The following NFASC variants were observed in gnomAD, a reference collection of about 807,000 sequenced individuals.
The protein encoded by NFASC is neurofascin homolog.
Under a neutral mutation model 147.5 loss-of-function variants are expected in NFASC, and 43 were observed. That is an observed-to-expected ratio of 0.29 (90% CI 0.23 to 0.38). The LOEUF (loss-of-function observed/expected upper bound fraction) is 0.38. NFASC is among the 10% of genes least tolerant of loss of function. NFASC has a pLI of 1.00. For synonymous variants in NFASC, 622 were observed against 665.5 expected (o/e 0.93, Z 1.01); for missense variants, 1,320 against 1,689.0 (o/e 0.78, Z 3.83).
At chr1:205,001,048 T>C (rs2095972131) in intron 25 of NFASC, 122 bp from the exon 26 acceptor site, 6 of 702,984 alleles carry the variant, frequency 8.5e-6, no homozygotes, top group Non-Finnish European at 1.6e-5. Context: ...TGTGTGTACA[T>C]GTGTGCGTGC....
At chr1:204,885,027 T>C in intron 1 of NFASC, among the ~76,000 whole-genome samples, 1 of 152,040 alleles carries the variant, frequency 6.6e-6, no homozygotes, top group Non-Finnish European at 1.5e-5. Flanking sequence ...TTTAAGAGGC[T>C]GAGGCAGGAG....
intron 1 of NFASC, chr1:204,870,974 G>A: frequency 2.3e-5 from 30 of 1,287,156 alleles, no homozygotes; most frequent in Non-Finnish European, 2.9e-5. Flanking sequence ...GATGGCCTGG[G>A]GCCTAAGAAA....
chr1:205,002,209 G>C (rs2096003127), intron 26 of NFASC, among the ~76,000 whole-genome samples: 1 of 152,246 alleles, frequency 6.6e-6, no homozygotes, highest in Admixed American at 6.5e-5. Context: ...TGGTTTTCAG[G>C]AGGGATGCTA....
intron 1 of NFASC, among the ~76,000 whole-genome samples, chr1:204,857,336 T>G (rs6680457): frequency 9.2e-5 from 14 of 152,244 alleles, no homozygotes; most frequent in African/African-American, 2.4e-4. Flanking sequence ...TTCCCATACT[T>G]GCTCTGGCAT....
chr1:204,916,403 T>A (rs2089259453), intron 1 of NFASC, among the ~76,000 whole-genome samples: 1 of 152,266 alleles, frequency 6.6e-6, no homozygotes, highest in Non-Finnish European at 1.5e-5. Context: ...TCTTTAAGGA[T>A]TATCTGTCTG....
intron 2 of NFASC, among the ~76,000 whole-genome samples, chr1:204,936,635 C>T (rs779075804): frequency 2.0e-5 from 3 of 151,884 alleles, no homozygotes; most frequent in Non-Finnish European, 4.4e-5. Flanking sequence ...GTCTGGTGTG[C>T]AGGCTGAGGG....
rs1224859609 is a variant in NFASC, at chr1:205,018,839, G to C, written c.*2300G>C. ...CGAAAGCAGGCCCTTAGGGCAGGAAGGGACGATGAGCAAGTCTGCCACACC... is the reference window on the plus strand; with the variant it reads ...CGAAAGCAGGCCCTTAGGGCAGGAACGGACGATGAGCAAGTCTGCCACACC... On this transcript the variant is annotated 3_prime_UTR_variant, in exon 30 of 30. Coordinates refer to ENST00000339876, the MANE Select transcript of NFASC (RefSeq NM_001005388.3). 6.6e-6 allele frequency: 1 copy of C among 152,310 alleles called. No homozygotes were observed. Among genetic ancestry groups the C allele is most frequent in the Non-Finnish European group, 1.5e-5 (1 of 68,074 alleles). 9.4% of individuals were successfully genotyped at this position (152,310 alleles called of 1,614,324 possible).
At chr1:205,001,120 TG>T in intron 25 of NFASC, 49 bp from the exon 26 acceptor site, 1 of 1,085,734 alleles carries the variant, frequency 9.2e-7, no homozygotes, top group Non-Finnish European at 1.4e-6. Context: ...TCCATATCTC[TG>T]GTGCCACTCC....
At chr1:204,995,796 TA>T (rs2095835481) in intron 24 of NFASC, among the ~76,000 whole-genome samples, 1 of 151,932 alleles carries the variant, frequency 6.6e-6, no homozygotes, top group African/African-American at 2.4e-5. Context: ...CACTCTCCCT[TA>T]AAAAAAGCTC....
intron 17 of NFASC, among the ~76,000 whole-genome samples, chr1:204,978,169 T>C (rs2095444149): frequency 6.6e-6 from 1 of 152,210 alleles, no homozygotes; most frequent in South Asian, 2.1e-4. Context: ...CCTGTAGGAC[T>C]CACCTTCCAA....
chr1:204,949,111 A>C (rs550850619), intron 3 of NFASC, among the ~76,000 whole-genome samples: 1 of 152,268 alleles, frequency 6.6e-6, no homozygotes, highest in Non-Finnish European at 1.5e-5. Flanking sequence ...GGCGAAGCAA[A>C]TGTCTCTTCA....
chr1:204,971,753 C>T (rs2095263960), intron 11 of NFASC, among the ~76,000 whole-genome samples: 1 of 152,090 alleles, frequency 6.6e-6, no homozygotes, highest in Non-Finnish European at 1.5e-5. Flanking sequence ...ACAACTGCAC[C>T]AGCTAGTACT....
chr1:204,987,316 CCA>C lies in NFASC; in HGVS notation c.2471-101_2471-100del. The stretch of plus-strand genomic sequence containing the variant: ...TAGCAGTGTCGAGCATGGGGGTTGT[CCA>C]GAGGTCAATGCCTTCATACTTGTGC... On this transcript the variant is annotated intron_variant, in intron 21 of 29. Coordinates refer to ENST00000339876, the MANE Select transcript of NFASC (RefSeq NM_001005388.3). The surrounding 1 kb of genome is among the most constrained non-coding windows in gnomAD (Gnocchi z 4.4). 2 of 1,158,134 alleles carry C rather than the reference CCA, an allele frequency of 1.7e-6. No homozygotes were observed. Among genetic ancestry groups the C allele is most frequent in the Admixed American group, 4.1e-5 (2 of 48,946 alleles). 71.7% of individuals were successfully genotyped at this position (1,158,134 alleles called of 1,614,324 possible). A position where few individuals can be genotyped will look rare whatever the true frequency, so the allele number is the denominator to read the frequency against.
intron 27 of NFASC, among the ~76,000 whole-genome samples, chr1:205,007,421 G>A (rs2096142657): frequency 1.3e-5 from 2 of 148,786 alleles, no homozygotes; most frequent in South Asian, 4.3e-4. Flanking sequence ...GAGGAGGGAA[G>A]GGGAAGGGAG....
Position 204,976,692 on chromosome 1 carries a change from C to T in NFASC, c.1728C>T (p.Ser576=), listed in dbSNP as rs761344407. 6.3e-5 allele frequency: 102 copies of T among 1,613,738 alleles called. No individual in the cohort carries two copies. The highest frequency in any genetic ancestry group is 8.5e-5 in the Non-Finnish European group (100 of 1,179,836). ...GCAGGATGAAGAAGGAAGACGACTC[C>T]CTGACCATCTTTGGGGTGGCAGAGC... ...IGNRMKKEDD[S]LTIFGVAERD... The change falls in exon 16 of 30, where the codon TCC becomes TCT. Residue 576 remains serine (S), a synonymous_variant. Coordinates refer to ENST00000339876, the MANE Select transcript of NFASC (RefSeq NM_001005388.3).
intron 1 of NFASC, among the ~76,000 whole-genome samples, chr1:204,884,922 C>T (rs572277286): frequency 1.3e-5 from 2 of 152,128 alleles, no homozygotes; most frequent in Non-Finnish European, 2.9e-5. Flanking sequence ...AGAGGATGTG[C>T]CAAACTAAGA....
intron 27 of NFASC, among the ~76,000 whole-genome samples, chr1:205,005,825 T>C (rs935475011): frequency 3.3e-5 from 5 of 152,198 alleles, no homozygotes; most frequent in African/African-American, 1.2e-4. Context: ...TTCTTTCACC[T>C]TTTCGGTAAG....
intron 24 of NFASC, chr1:204,993,860 G>T (rs911346269): frequency 4.1e-6 from 2 of 487,166 alleles, no homozygotes; most frequent in Admixed American, 2.1e-5. Flanking sequence ...AGCCCCAGGG[G>T]ATGAAATAAT....
intron 2 of NFASC, among the ~76,000 whole-genome samples, chr1:204,926,380 GTA>G (rs200933434): frequency 5.0e-3 from 240 of 47,898 alleles, no homozygotes; most frequent in African/African-American, 0.014. Flanking sequence ...CTTTTTTCAT[GTA>G]TATATATATA....
Sources: allele counts gnomAD v4.1 joint callset (sites outside exome capture counted in the v4.1 genomes callset), GRCh38; gene constraint gnomAD v4.1.1; non-coding constraint Gnocchi (gnomAD v3.1); transcripts MANE v1.5; gene names NCBI Gene and HGNC (gene_info 2026-07-23, HGNC 2026-07-21).